TMEM132C: variants seen among roughly 807,000 people sequenced by gnomAD.
The protein encoded by TMEM132C is protein phosphatase 1, regulatory subunit 152.
Under a neutral mutation model 61.4 loss-of-function variants are expected in TMEM132C, and 29 were observed. That is an observed-to-expected ratio of 0.47 (90% CI 0.35 to 0.64). The LOEUF (loss-of-function observed/expected upper bound fraction) is 0.64. Among genes scored for constraint, TMEM132C ranks in the 30% least tolerant of loss-of-function variants. The probability of loss-of-function intolerance (pLI) is 0.00; values close to 1 mark genes in which losing one functional copy is unlikely to be tolerated. For synonymous variants in TMEM132C, 656 were observed against 633.1 expected, an observed-to-expected ratio of 1.04 and a Z score of -0.54; for missense variants, 1,408 against 1,476.9, an observed-to-expected ratio of 0.95 and a Z score of 0.76.
chr12:128,617,832 G>A (rs1445496741), intron 4 of TMEM132C, among the ~76,000 whole-genome samples: 1 of 152,164 alleles, frequency 6.6e-6, no homozygotes, highest in Admixed American at 6.5e-5. Context: ...ACCCCAGAAG[G>A]TATCATCTAC....
At chr12:128,505,969 G>A (rs1217437622) in intron 2 of TMEM132C, among the ~76,000 whole-genome samples, 10 of 152,206 alleles carry the variant, frequency 6.6e-5, no homozygotes, top group Admixed American at 5.9e-4. Context: ...AATGGGCTGT[G>A]TTCTGCTGCA....
In TMEM132C at chr12:128,410,596, G is replaced by A. The variant is rs138906810; in HGVS notation, c.86-4136G>A. Among the ~76,000 whole-genome samples, 830 of 152,096 alleles carry A rather than the reference G, an allele frequency of 5.5e-3. 14 individuals carry two copies. The highest frequency in any genetic ancestry group is 0.039 in the Admixed American group (596 of 15,266). On this transcript the variant is annotated intron_variant, in intron 1 of 8. Coordinates refer to ENST00000435159, the MANE Select transcript of TMEM132C (RefSeq NM_001136103.3). ...TTTTTTTGTATTTTTAGTAGAGACG[G>A]GGTTTCACCATGTTGGCCAGGATGG...
chr12:128,343,792 C>G (rs1020957105), intron 1 of TMEM132C, among the ~76,000 whole-genome samples: 1 of 152,150 alleles, frequency 6.6e-6, no homozygotes, highest in Non-Finnish European at 1.5e-5. Flanking sequence ...TCACCATTAT[C>G]CAATTTCTGT....
chr12:128,657,494 T>G (rs567068022), intron 4 of TMEM132C, among the ~76,000 whole-genome samples: 1 of 152,246 alleles, frequency 6.6e-6, no homozygotes, highest in East Asian at 1.9e-4. Flanking sequence ...TCTGACTGGA[T>G]CCTGCCATGG....
At chr12:128,417,423 A>G (rs1389187096) in intron 2 of TMEM132C, among the ~76,000 whole-genome samples, 1 of 152,112 alleles carries the variant, frequency 6.6e-6, no homozygotes, top group Non-Finnish European at 1.5e-5. Flanking sequence ...CCTGGAAGGG[A>G]TGCTTAGATG....
At chr12:128,307,189 G>C (rs922019141) in intron 1 of TMEM132C, among the ~76,000 whole-genome samples, 1 of 152,020 alleles carries the variant, frequency 6.6e-6, no homozygotes, top group Non-Finnish European at 1.5e-5. Flanking sequence ...AAACCTTATC[G>C]CCTGGTTTCA....
At chr12:128,534,874 G>A (rs1337308581) in intron 2 of TMEM132C, among the ~76,000 whole-genome samples, 1 of 152,218 alleles carries the variant, frequency 6.6e-6, no homozygotes, top group Non-Finnish European at 1.5e-5. Context: ...GCACCAGTTG[G>A]TGAGAATCCT....
At chr12:128,589,123 G>T (rs78551265) in intron 3 of TMEM132C, among the ~76,000 whole-genome samples, 1 of 151,978 alleles carries the variant, frequency 6.6e-6, no homozygotes, top group African/African-American at 2.4e-5. Context: ...TTGTCATGTC[G>T]GTTCCCTACA....
At chr12:128,685,595 A>C (rs1311034740) in intron 5 of TMEM132C, among the ~76,000 whole-genome samples, 1 of 137,364 alleles carries the variant, frequency 7.3e-6, no homozygotes, top group Non-Finnish European at 1.6e-5. Context: ...GACTGGTCCA[A>C]GCATGGCTGT....
chr12:128,643,920 A>G (rs969251932), intron 4 of TMEM132C, among the ~76,000 whole-genome samples: 1 of 152,202 alleles, frequency 6.6e-6, no homozygotes, highest in Non-Finnish European at 1.5e-5. Flanking sequence ...GCAAGGTCTA[A>G]ATATAATATT....
chr12:128,504,968 T>TTTACTTACTACTCTACGTAGTAAGTAAGA (rs1872308259), intron 2 of TMEM132C, among the ~76,000 whole-genome samples: 2 of 150,424 alleles, frequency 1.3e-5, no homozygotes, highest in Non-Finnish European at 1.5e-5. Flanking sequence ...TTTTGGGGAC[T>TTTACTTACTACTCTACGTAGTAAGTAAGA]TTACTTACTA....
intron 2 of TMEM132C, among the ~76,000 whole-genome samples, chr12:128,519,523 A>C (rs367859906): frequency 2.0e-4 from 31 of 152,332 alleles, no homozygotes; most frequent in Middle Eastern, 6.8e-3. Flanking sequence ...AGGCTAAAGG[A>C]AAAAATGGCC....
At chr12:128,440,995 C>A (rs757519976) in intron 2 of TMEM132C, among the ~76,000 whole-genome samples, 1 of 152,110 alleles carries the variant, frequency 6.6e-6, no homozygotes, top group African/African-American at 2.4e-5. Flanking sequence ...GAGCTCAGAT[C>A]GCGCCACTGC....
chr12:128,484,014 C>T (rs961789334), intron 2 of TMEM132C, among the ~76,000 whole-genome samples: 1 of 148,160 alleles, frequency 6.7e-6, no homozygotes, highest in East Asian at 1.9e-4. Flanking sequence ...TTCCTCCAGT[C>T]TCTTCCAACT....
At chr12:128,583,424 T>A (rs1279268219) in intron 3 of TMEM132C, among the ~76,000 whole-genome samples, 1 of 152,060 alleles carries the variant, frequency 6.6e-6, no homozygotes, top group African/African-American at 2.4e-5. Flanking sequence ...AAAAAAGAAT[T>A]TTGAGCTAAG....
rs1872519122 is a variant in TMEM132C at position 128,326,429 on chromosome 12, TC to T, written c.85+58947del. ...CTTCTGAGCCTTTGGCTGACGCTTA[TC>T]CCCCTCTGGTTCAGATATCTTTGCA... On this transcript the variant is annotated intron_variant, in intron 1 of 8. Coordinates refer to ENST00000435159, the MANE Select transcript of TMEM132C (RefSeq NM_001136103.3). This position sits in a 1 kb window ranked among gnomAD's most constrained non-coding sequence, Gnocchi z 5.6. Among the ~76,000 whole-genome samples the T allele has an allele frequency of 6.6e-6, 1 of 151,344 alleles. No individual in the cohort carries two copies. Among genetic ancestry groups the T allele is most frequent in the East Asian group, 1.9e-4 (1 of 5,174 alleles).
intron 2 of TMEM132C, among the ~76,000 whole-genome samples, chr12:128,533,850 C>T (rs1395590698): frequency 6.6e-6 from 1 of 152,056 alleles, no homozygotes; most frequent in Non-Finnish European, 1.5e-5. Flanking sequence ...CCTGAGCAGA[C>T]AGCCTTACAG....
Position 128,616,350 on chromosome 12 carries a change from A to G in TMEM132C, c.1305+15A>G, listed in dbSNP as rs1189308726. 1.9e-6 allele frequency: 3 copies of G among 1,543,906 alleles called. No individual in the cohort carries two copies. Among genetic ancestry groups the G allele is most frequent in the Non-Finnish European group, 2.6e-6 (3 of 1,142,060 alleles). On this transcript the variant is annotated intron_variant, in intron 4 of 8. Coordinates refer to ENST00000435159, the MANE Select transcript of TMEM132C (RefSeq NM_001136103.3). Reference sequence around the variant, plus strand: ...CCTTGGCTATGGTGAGTCCTGAGTTACCTTGGATGCTCCTGCATTCAGCCA... The same window carrying G: ...CCTTGGCTATGGTGAGTCCTGAGTTGCCTTGGATGCTCCTGCATTCAGCCA...
At chr12:128,619,307 G>A (rs1414571017) in intron 4 of TMEM132C, among the ~76,000 whole-genome samples, 1 of 152,218 alleles carries the variant, frequency 6.6e-6, no homozygotes, top group Admixed American at 6.5e-5. Flanking sequence ...CAAGCATTCT[G>A]AAGCTCCTTT....
Sources: gnomAD v4.1 joint callset for allele counts (sites outside exome capture counted in the v4.1 genomes callset) on GRCh38, gnomAD v4.1.1 for gene constraint, Gnocchi (gnomAD v3.1) non-coding constraint, MANE v1.5 for transcripts, NCBI Gene and HGNC (gene_info 2026-07-23, HGNC 2026-07-21) for gene names.